The following LIMS1 variants were observed in gnomAD, a reference collection of about 807,000 sequenced individuals.
LIMS1 encodes the protein LIM zinc finger domain containing 1.
A neutral mutation model predicts 44.1 loss-of-function variants in LIMS1; 18 were observed. That is an observed-to-expected ratio of 0.41 (90% CI 0.28 to 0.61). LIMS1 has a LOEUF of 0.61. Ranked by LOEUF, LIMS1 falls within the 20% of genes least tolerant of loss-of-function variation. The pLI is 0.32. For synonymous variants in LIMS1, 93 were observed against 149.1 expected, an observed-to-expected ratio of 0.62 and a Z score of 2.74; for missense variants, 201 against 422.0, an observed-to-expected ratio of 0.48 and a Z score of 4.59.
intron 1 of LIMS1, among the ~76,000 whole-genome samples, chr2:108,646,389 A>G (rs1044955966): frequency 1.3e-5 from 2 of 152,232 alleles, no homozygotes; most frequent in African/African-American, 2.4e-5. Flanking sequence ...TACTGGGTAA[A>G]TAACGAAATG....
chr2:108,634,603 A>G (rs886299499), intron 1 of LIMS1, among the ~76,000 whole-genome samples: 11 of 152,220 alleles, frequency 7.2e-5, no homozygotes, highest in Admixed American at 2.0e-4. Flanking sequence ...ACATCTCTGG[A>G]GAGACGCCAC....
intron 1 of LIMS1, among the ~76,000 whole-genome samples, chr2:108,557,329 A>C (rs1215817002): frequency 1.3e-5 from 2 of 152,096 alleles, no homozygotes; most frequent in East Asian, 3.9e-4. Flanking sequence ...CTCCTGCCTC[A>C]GCCTCCCAAA....
chr2:108,612,029 TACAC>T (rs71381969), intron 1 of LIMS1, among the ~76,000 whole-genome samples: 12 of 79,928 alleles, frequency 1.5e-4, no homozygotes, highest in South Asian at 4.9e-4. Context: ...CACACACATA[TACAC>T]ACACACACAC....
Position 108,643,616 on chromosome 2 carries a change from G to A in LIMS1, c.33-15989G>A, listed in dbSNP as rs538105774. Among the ~76,000 whole-genome samples the A allele has an allele frequency of 1.8e-4, 28 of 151,988 alleles. No homozygotes were observed. In the East Asian group the frequency reaches 4.8e-3, roughly 26 times the overall value. On this transcript the variant is annotated intron_variant, in intron 1 of 9. Transcript: ENST00000544547. The stretch of plus-strand genomic sequence containing the variant: ...TTTTTTTTCATACCCCAGTGGTAGC[G>A]TTTGAGTTTTTTTCGTGCCCCAGTG...
intron 1 of LIMS1, among the ~76,000 whole-genome samples, chr2:108,649,871 A>G (rs1690340968): frequency 6.6e-6 from 1 of 152,202 alleles, no homozygotes; most frequent in African/African-American, 2.4e-5. Flanking sequence ...AATGTAGATG[A>G]CAGGTTGATG....
intron 1 of LIMS1, among the ~76,000 whole-genome samples, chr2:108,573,229 T>A (rs898678213): frequency 6.6e-6 from 1 of 152,204 alleles, no homozygotes; most frequent in East Asian, 1.9e-4. Context: ...GCAGAGTGAT[T>A]ACAACATTTT....
chr2:108,534,395 C>T (rs932349461), exon 1 of LIMS1: 198 of 328,158 alleles, frequency 6.0e-4, no homozygotes, highest in African/African-American at 4.0e-3. Flanking sequence ...CGCGGCCCGC[C>T]TCGCCTTCCC....
At chr2:108,609,302 C>A (rs1687456239) in intron 1 of LIMS1, among the ~76,000 whole-genome samples, 1 of 152,138 alleles carries the variant, frequency 6.6e-6, no homozygotes, top group Non-Finnish European at 1.5e-5. Context: ...TCTTCCCTCC[C>A]CCATGGCAGG....
intron 1 of LIMS1, among the ~76,000 whole-genome samples, chr2:108,556,298 A>G (rs1684922796): frequency 6.6e-6 from 1 of 152,212 alleles, no homozygotes; most frequent in Non-Finnish European, 1.5e-5. Flanking sequence ...TGGCTGAATA[A>G]TATTCCATTG....
intron 1 of LIMS1, among the ~76,000 whole-genome samples, chr2:108,618,109 G>T (rs1363012117): frequency 6.6e-6 from 1 of 152,184 alleles, no homozygotes; most frequent in Non-Finnish European, 1.5e-5. Flanking sequence ...GTATAGGGAT[G>T]AGGCCATGGG....
intron 1 of LIMS1, among the ~76,000 whole-genome samples, chr2:108,563,895 C>T (rs992316337): frequency 6.6e-6 from 1 of 151,734 alleles, no homozygotes; most frequent in South Asian, 2.1e-4. Context: ...CCTGTCTCTA[C>T]AAAAATAAAA....
At chr2:108,567,171 T>C (rs1263257793) in intron 1 of LIMS1, among the ~76,000 whole-genome samples, 1 of 152,218 alleles carries the variant, frequency 6.6e-6, no homozygotes, top group East Asian at 1.9e-4. Flanking sequence ...TTGGGACCAG[T>C]GTCTGTGTGG....
At chr2:108,644,100 C>T (rs1196734170) in intron 1 of LIMS1, among the ~76,000 whole-genome samples, 1 of 152,178 alleles carries the variant, frequency 6.6e-6, no homozygotes, top group East Asian at 1.9e-4. Flanking sequence ...CTTCAGCTGT[C>T]CCTAACTGGC....
intron 1 of LIMS1, among the ~76,000 whole-genome samples, chr2:108,643,432 A>T (rs965484190): frequency 6.6e-6 from 1 of 152,172 alleles, no homozygotes; most frequent in Non-Finnish European, 1.5e-5. Context: ...GGAAGCCATT[A>T]GGGACTGTAC....
At chr2:108,685,194 G>C (rs958934328) in exon 10 of LIMS1, 1 of 152,094 alleles carries the variant, frequency 6.6e-6, no homozygotes, top group Non-Finnish European at 1.5e-5. Context: ...TTTATTTACT[G>C]TAAGTAGGAG....
chr2:108,559,175 C>A (rs1685029371), intron 1 of LIMS1, among the ~76,000 whole-genome samples: 1 of 152,106 alleles, frequency 6.6e-6, no homozygotes, highest in African/African-American at 2.4e-5. Context: ...AGAGTTTGCA[C>A]ATAAAGTTCT....
At chr2:108,682,694 T>C (rs1299562008) in intron 9 of LIMS1, among the ~76,000 whole-genome samples, 4 of 152,218 alleles carry the variant, frequency 2.6e-5, no homozygotes, top group South Asian at 2.1e-4. Context: ...ATTTTAGATA[T>C]GTGTTTAGGA....
At chr2:108,612,769 GAGA>G (rs992442505) in intron 1 of LIMS1, among the ~76,000 whole-genome samples, 2 of 152,104 alleles carry the variant, frequency 1.3e-5, no homozygotes, top group African/African-American at 4.8e-5. Flanking sequence ...TTTGGAGAGA[GAGA>G]AGGTGTGGGC....
chr2:108,592,228 G>A (rs1686442151), intron 1 of LIMS1, among the ~76,000 whole-genome samples: 1 of 152,090 alleles, frequency 6.6e-6, no homozygotes, highest in South Asian at 2.1e-4. Flanking sequence ...GCTCTGAGTC[G>A]GTGTGTCACT....
Sources: allele counts gnomAD v4.1 joint callset (sites outside exome capture counted in the v4.1 genomes callset), GRCh38; gene constraint gnomAD v4.1.1; transcripts MANE v1.5; gene names NCBI Gene and HGNC (gene_info 2026-07-23, HGNC 2026-07-21).